The following AXDND1 variants were observed in gnomAD, a reference collection of about 807,000 sequenced individuals.
The protein encoded by AXDND1 is axonemal dynein light chain domain containing 1, also known as axonemal dynein light chain domain-containing protein 1.
In AXDND1, 110 loss-of-function variants were observed where a neutral mutation model predicts 137.5. The observed-to-expected ratio is 0.80, with a 90% CI of 0.69 to 0.94. The LOEUF (loss-of-function observed/expected upper bound fraction) is 0.94. Among genes scored for constraint, AXDND1 ranks in the 40% least tolerant of loss-of-function variants. The pLI, the probability that AXDND1 is intolerant of heterozygous loss-of-function variation, is 0.00. For synonymous variants in AXDND1, 414 were observed against 399.7 expected (o/e 1.04, Z -0.43); for missense variants, 1,191 against 1,169.8 (o/e 1.02, Z -0.26).
At chr1:179,447,595 A>C (rs1199203186) in intron 16 of AXDND1, 2 of 1,096,554 alleles carry the variant, frequency 1.8e-6, no homozygotes, top group Non-Finnish European at 2.6e-6. Context: ...GGTTCAACTT[A>C]CTAGTGGAGG....
At chr1:179,542,834 C>T (rs1672288435) in intron 25 of AXDND1, among the ~76,000 whole-genome samples, 2 of 152,194 alleles carry the variant, frequency 1.3e-5, no homozygotes, top group East Asian at 1.9e-4. Context: ...GACACCCAGC[C>T]ACCCTTCCCC....
chr1:179,406,012 A>G (rs537086531), intron 11 of AXDND1, among the ~76,000 whole-genome samples: 11 of 152,212 alleles, frequency 7.2e-5, no homozygotes, highest in African/African-American at 2.6e-4. Flanking sequence ...GTTTATTAAT[A>G]TGAACTTCCC....
rs561914891 is a variant in AXDND1 at position 179,536,511 on chromosome 1, C to A, written c.3031+1549C>A. Among the ~76,000 whole-genome samples, 5 of 152,252 alleles carry A rather than the reference C, an allele frequency of 3.3e-5. No individual in the cohort carries two copies. In the South Asian group the frequency reaches 1.0e-3, roughly 32 times the overall value. On this transcript the variant is annotated intron_variant, in intron 25 of 25. Coordinates refer to ENST00000367618, the MANE Select transcript of AXDND1 (RefSeq NM_144696.6). Reference sequence around the variant, plus strand: ...TGTTTTTGTCAGGTTTGTCAAAGATCAGATGGTTGTAAATGTGTGGTGTTA... The same window carrying A: ...TGTTTTTGTCAGGTTTGTCAAAGATAAGATGGTTGTAAATGTGTGGTGTTA...
chr1:179,456,544 C>T (rs188138964), intron 16 of AXDND1: 3 of 777,096 alleles, frequency 3.9e-6, no homozygotes, highest in South Asian at 2.7e-5. Flanking sequence ...CTTCCATAGC[C>T]TCTGCTTCCT....
intron 16 of AXDND1, chr1:179,456,459 C>T: frequency 1.3e-6 from 1 of 768,672 alleles, no homozygotes; most frequent in South Asian, 1.3e-5. Flanking sequence ...GCTGCCTCCA[C>T]CTCCGTTGTT....
chr1:179,537,104 A>AT (rs1437573085), intron 25 of AXDND1, among the ~76,000 whole-genome samples: 1 of 152,168 alleles, frequency 6.6e-6, no homozygotes, highest in Non-Finnish European at 1.5e-5. Context: ...GCTTAAGGAG[A>AT]TTTTGGGCTG....
At chr1:179,440,252 G>A (rs1281182570) in intron 15 of AXDND1, among the ~76,000 whole-genome samples, 1 of 152,140 alleles carries the variant, frequency 6.6e-6, no homozygotes, top group African/African-American at 2.4e-5. Context: ...ATTTTGAAAA[G>A]CATACTAGTA....
chr1:179,402,855 C>T (rs1652317877), intron 11 of AXDND1, among the ~76,000 whole-genome samples: 1 of 152,200 alleles, frequency 6.6e-6, no homozygotes, highest in African/African-American at 2.4e-5. Context: ...CACTAAATGG[C>T]ACTTGACAAA....
chr1:179,427,441 T>C (rs1416945580), intron 12 of AXDND1, among the ~76,000 whole-genome samples: 1 of 152,176 alleles, frequency 6.6e-6, no homozygotes, highest in South Asian at 2.1e-4. Flanking sequence ...TGAGCATGTG[T>C]TATGTGTCAG....
Position 179,366,509 on chromosome 1 carries a change from T to G in AXDND1, c.-1T>G. ...TAAAGAGATAGGAGGCATTGTTTATTATGTCTCTCCCGAAAACGCCCTCCA... is the reference window on the plus strand; with the variant it reads ...TAAAGAGATAGGAGGCATTGTTTATGATGTCTCTCCCGAAAACGCCCTCCA... On this transcript the variant is annotated 5_prime_UTR_variant, in exon 2 of 26. The change creates a new upstream start codon in the 5' untranslated region. Transcript: ENST00000367618. The G allele has an allele frequency of 6.2e-7, 1 of 1,608,010 alleles. No homozygotes were observed. The highest frequency in any genetic ancestry group is 1.3e-5 in the African/African-American group (1 of 74,876).
chr1:179,553,880 G>A (rs1376586807), intron 25 of AXDND1, among the ~76,000 whole-genome samples: 3 of 151,704 alleles, frequency 2.0e-5, no homozygotes, highest in African/African-American at 7.3e-5. Context: ...TGAGTAGCTG[G>A]GATTACAGGC....
In AXDND1 at chr1:179,491,559, A is replaced by C; in HGVS notation, c.2113A>C (p.Met705Leu). The C allele has an allele frequency of 6.2e-7, 1 of 1,608,226 alleles. No homozygotes were observed. Among genetic ancestry groups the C allele is most frequent in the Non-Finnish European group, 8.5e-7 (1 of 1,174,788 alleles). ...QHHMDELHIS[M>L]IQWMVNLLIL... ...ACAGATGGATGAGTTACATATATCT[A>C]TGATCCAGTGGATGGTAAACTTGCT... is the stretch of plus-strand genomic sequence containing the variant. Residue 705 changes from methionine to leucine, a missense_variant, in exon 19 of 26, where the codon ATG (methionine) becomes CTG (leucine). Met to Leu is a conservative substitution (Grantham distance 15). Coordinates refer to ENST00000367618, the MANE Select transcript of AXDND1 (RefSeq NM_144696.6).
chr1:179,443,034 G>T, intron 15 of AXDND1, among the ~76,000 whole-genome samples: 1 of 152,164 alleles, frequency 6.6e-6, no homozygotes, highest in African/African-American at 2.4e-5. Flanking sequence ...GGGCCATTTG[G>T]TTCACAGCAG....
chr1:179,467,056 G>A (rs1213447654), intron 16 of AXDND1, among the ~76,000 whole-genome samples: 1 of 152,036 alleles, frequency 6.6e-6, no homozygotes, highest in Non-Finnish European at 1.5e-5. Flanking sequence ...TCCACCACCC[G>A]ACCCCTGAGT....
chr1:179,532,552 T>A (rs756260289), intron 23 of AXDND1, among the ~76,000 whole-genome samples: 1 of 152,078 alleles, frequency 6.6e-6, no homozygotes, highest in Admixed American at 6.5e-5. Context: ...GAGAAAAATA[T>A]GTGACAGAGA....
At chr1:179,456,302 T>C (rs1309028818) in intron 16 of AXDND1, 3 of 747,328 alleles carry the variant, frequency 4.0e-6, no homozygotes, top group Non-Finnish European at 7.3e-6. Context: ...TGACGAAGTA[T>C]TGGCCTCCAC....
At chr1:179,441,807 A>T (rs1231105863) in intron 15 of AXDND1, among the ~76,000 whole-genome samples, 9 of 152,170 alleles carry the variant, frequency 5.9e-5, no homozygotes, top group Non-Finnish European at 8.8e-5. Context: ...TAATGTCTCC[A>T]TTTCCAGCAG....
In AXDND1 at chr1:179,444,991, G is replaced by T. The variant is rs1338060269; in HGVS notation, c.1585G>T (p.Glu529Ter). The part of the protein sequence containing the change: ...WQKILNEKKE[E>*]FTGDVLLSKY... ...TTAGATCCTGAATGAGAAAAAAGAA[G>T]AGTTTACTGGGGATGTTCTACTGTC... is the stretch of plus-strand genomic sequence containing the variant. The change falls in exon 16 of 26, where the codon GAG becomes TAG. Residue 529 changes from glutamate (E) to a stop codon, truncating the protein, a stop_gained. Coordinates refer to ENST00000367618, the MANE Select transcript of AXDND1 (RefSeq NM_144696.6). LOFTEE classifies it high-confidence loss of function. The T allele has an allele frequency of 1.9e-6, 3 of 1,608,358 alleles. No individual in the cohort carries two copies. Among genetic ancestry groups the T allele is most frequent in the African/African-American group, 1.3e-5 (1 of 74,714 alleles).
chr1:179,431,484 G>T (rs1213984926), intron 14 of AXDND1, among the ~76,000 whole-genome samples: 1 of 148,876 alleles, frequency 6.7e-6, no homozygotes, highest in African/African-American at 2.5e-5. Context: ...TTGTTTGTTT[G>T]TTGTTGTTGT....
Sources: allele counts gnomAD v4.1 joint callset (sites outside exome capture counted in the v4.1 genomes callset), GRCh38; gene constraint gnomAD v4.1.1; transcripts MANE v1.5; gene names NCBI Gene and HGNC (gene_info 2026-07-23, HGNC 2026-07-21).